SLC25A38: variants seen among roughly 807,000 people sequenced by gnomAD.
SLC25A38 encodes the protein solute carrier family 25 member 38.
Under a neutral mutation model 33.4 loss-of-function variants are expected in SLC25A38, and 27 were observed. The ratio of observed to expected loss-of-function variants is 0.81; its 90% CI spans 0.60 to 1.11. The LOEUF (loss-of-function observed/expected upper bound fraction) is 1.11, where lower values mean the gene tolerates loss of function less well. SLC25A38 is among the 50% of genes most tolerant of loss of function. The pLI, the probability that SLC25A38 is intolerant of heterozygous loss-of-function variation, is 0.00. For synonymous variants in SLC25A38, 123 were observed against 145.9 expected (o/e 0.84, Z 1.13); for missense variants, 344 against 388.8 (o/e 0.88, Z 0.97).
chr3:39,391,808 T>G (rs1315164140), intron 4 of SLC25A38, 45 bp from the exon 5 acceptor site: 1 of 1,612,404 alleles, frequency 6.2e-7, no homozygotes, highest in African/African-American at 1.3e-5. Context: ...AGTGCTGAAA[T>G]GCAGCGCCTC....
chr3:39,390,017 T>G (rs565143839), intron 2 of SLC25A38, among the ~76,000 whole-genome samples: 8 of 152,348 alleles, frequency 5.3e-5, no homozygotes, highest in African/African-American at 1.9e-4. Flanking sequence ...CTCAGCTCAC[T>G]GCAACCTCTG....
intron 1 of SLC25A38, among the ~76,000 whole-genome samples, chr3:39,385,001 C>T (rs948406092): frequency 2.0e-5 from 3 of 151,972 alleles, no homozygotes; most frequent in Non-Finnish European, 4.4e-5. Context: ...AGGGTTTCAC[C>T]ATGTTGGCCA....
intron 1 of SLC25A38, among the ~76,000 whole-genome samples, chr3:39,387,006 G>C (rs2041714646): frequency 6.6e-6 from 1 of 152,138 alleles, no homozygotes; most frequent in South Asian, 2.1e-4. Flanking sequence ...TGGATGAAGA[G>C]CCATGGGAGT....
intron 1 of SLC25A38, among the ~76,000 whole-genome samples, chr3:39,385,328 A>G (rs1291767100): frequency 6.6e-6 from 1 of 152,102 alleles, no homozygotes; most frequent in Non-Finnish European, 1.5e-5. Context: ...TGGCTCAATA[A>G]CTTGAGCCAA....
intron 1 of SLC25A38, chr3:39,384,796 CTTTTTTCTTTTT>C: frequency 2.6e-6 from 1 of 377,734 alleles, no homozygotes; most frequent in South Asian, 1.4e-4. Flanking sequence ...GCTTTCTTTT[CTTTTTTCTTTTT>C]TTTTTTTTTT....
intron 5 of SLC25A38, among the ~76,000 whole-genome samples, chr3:39,393,830 C>T (rs1575246971): frequency 6.6e-6 from 1 of 152,190 alleles, no homozygotes; most frequent in Admixed American, 6.5e-5. Flanking sequence ...CTCTAATTGT[C>T]CCAATAATGT....
intron 1 of SLC25A38, among the ~76,000 whole-genome samples, chr3:39,385,203 TTTG>T (rs968551841): frequency 3.3e-5 from 5 of 152,266 alleles, no homozygotes; most frequent in South Asian, 2.1e-4. Flanking sequence ...TGGGATGGTT[TTTG>T]TTGTTGTTGT....
intron 6 of SLC25A38, among the ~76,000 whole-genome samples, chr3:39,395,124 A>G (rs2041812895): frequency 6.6e-6 from 1 of 152,234 alleles, no homozygotes. Flanking sequence ...CTAAAGAAAA[A>G]ATGTCACCAA....
Position 39,383,526 on chromosome 3 carries a change from C to A in SLC25A38, c.-199C>A. The A allele has an allele frequency of 1.6e-6, 1 of 615,242 alleles. No homozygotes were observed. Among genetic ancestry groups the A allele is most frequent in the East Asian group, 2.8e-5 (1 of 35,698 alleles). The allele number at this position is 615,242 out of a possible 1,614,324, so 38.1% of individuals were successfully genotyped here. A position where few individuals can be genotyped will look rare whatever the true frequency, so the allele number is the denominator to read the frequency against. Reference sequence around the variant, plus strand: ...CGTAATTCCCGCAGCAAGATTGTTCCGCGCCCGCAGCCCCTGGACTAGCAG... The same window carrying A: ...CGTAATTCCCGCAGCAAGATTGTTCAGCGCCCGCAGCCCCTGGACTAGCAG... On this transcript the variant is annotated 5_prime_UTR_variant, in exon 1 of 7. Transcript: ENST00000650617.
In SLC25A38 at chr3:39,391,576, G is replaced by A; in HGVS notation, c.412G>A (p.Gly138Arg). The A allele has an allele frequency of 6.2e-7, 1 of 1,614,216 alleles. No individual in the cohort carries two copies. The highest frequency in any genetic ancestry group is 1.3e-5 in the African/African-American group (1 of 75,064). ...GGGGGTGGGCTCTCGCTCTGTTGCA[G>A]GGGTCTGTATGTCACCTATCACTGT... ...MLGVGSRSVAGVCMSPITVIK... is the reference protein window; with the variant it reads ...MLGVGSRSVARVCMSPITVIK... The change falls in exon 4 of 7, where the codon GGG becomes AGG. Residue 138 changes from glycine (G) to arginine (R), a missense_variant. By Grantham distance (125) the Gly-to-Arg change is moderately radical. Coordinates refer to ENST00000650617, the MANE Select transcript of SLC25A38 (RefSeq NM_017875.4).
Position 39,391,873 on chromosome 3 carries a change from G to C in SLC25A38, c.477G>C (p.Glu159Asp), listed in dbSNP as rs775839743. Reference protein sequence around the residue: ...TRYESGKYGYESIYAALRSIY... With the variant: ...TRYESGKYGYDSIYAALRSIY... ...TGCAGAGTGGGAAATATGGCTATGA[G>C]AGTATCTACGCTGCCCTGAGGAGCA... The change falls in exon 5 of 7, where the codon GAG becomes GAC. Residue 159 changes from glutamate (E) to aspartate (D), a missense_variant. Glu to Asp is a conservative substitution (Grantham distance 45, BLOSUM62 2). This residue lies in a region of SLC25A38 where 269 missense variants were observed against 271.8 expected (regional missense o/e 0.99). Coordinates refer to ENST00000650617, the MANE Select transcript of SLC25A38 (RefSeq NM_017875.4). 3 of 1,613,636 alleles carry C rather than the reference G, an allele frequency of 1.9e-6. No individual in the cohort carries two copies. The highest frequency in any genetic ancestry group is 1.7e-6 in the Non-Finnish European group (2 of 1,180,004).
chr3:39,384,111 G>A (rs971916183), intron 1 of SLC25A38, among the ~76,000 whole-genome samples: 17 of 152,340 alleles, frequency 1.1e-4, no homozygotes, highest in Middle Eastern at 6.8e-3. Context: ...CGAGTAGGCT[G>A]CCAGGTGGAA....
chr3:39,389,000 A>G (rs1255055293), intron 1 of SLC25A38, among the ~76,000 whole-genome samples: 1 of 152,206 alleles, frequency 6.6e-6, no homozygotes, highest in African/African-American at 2.4e-5. Flanking sequence ...AGGAAATACT[A>G]GGTTCTACAG....
At chr3:39,391,814 G>A (rs556256400) in intron 4 of SLC25A38, 39 bp from the exon 5 acceptor site, 59 of 1,612,476 alleles carry the variant, frequency 3.7e-5, no homozygotes, top group South Asian at 5.5e-5. Context: ...GAAATGCAGC[G>A]CCTCCATGCG....
In SLC25A38 at chr3:39,391,439, A is replaced by C. The variant is rs1198314410; in HGVS notation, c.277-2A>C. The C allele has an allele frequency of 1.2e-6, 2 of 1,613,234 alleles. No individual in the cohort carries two copies. Among genetic ancestry groups the C allele is most frequent in the Non-Finnish European group, 1.7e-6 (2 of 1,180,028 alleles). On this transcript the variant is annotated splice_acceptor_variant, in intron 3 of 6. Coordinates refer to ENST00000650617, the MANE Select transcript of SLC25A38 (RefSeq NM_017875.4). LOFTEE classifies it high-confidence loss of function. ...TTCTTTTCTCCCTGACCTTCTCTGC[A>C]GTCCATTGTGAGATGTGTCCCTGGC... is the stretch of plus-strand genomic sequence containing the variant.
At chr3:39,387,634 C>T (rs567192379) in intron 1 of SLC25A38, among the ~76,000 whole-genome samples, 1 of 151,938 alleles carries the variant, frequency 6.6e-6, no homozygotes, top group Non-Finnish European at 1.5e-5. Context: ...TGCCTGTGGG[C>T]CATTTGAGGG....
At position 39,391,998 on chromosome 3, in the gene SLC25A38, A is replaced by G. The variant is rs2041776612; in HGVS notation, c.602A>G (p.Gln201Arg). The G allele has an allele frequency of 6.2e-7, 1 of 1,614,142 alleles. No individual in the cohort carries two copies. The highest frequency in any genetic ancestry group is 1.3e-5 in the African/African-American group (1 of 74,956). Residue 201 changes from glutamine to arginine, a missense_variant, in exon 5 of 7, where the codon CAG becomes CGG. Gln to Arg is a conservative substitution (Grantham distance 43). Coordinates refer to ENST00000650617, the MANE Select transcript of SLC25A38 (RefSeq NM_017875.4). ...FSGIYLMFYN[Q>R]TKNIVPHDQV... ...GGAATCTACCTGATGTTTTACAACC[A>G]GACCAAAAATATAGTGCCTCATGGT...
rs2041674631 is a variant in SLC25A38 at position 39,383,761 on chromosome 3, C to T, written c.37C>T (p.Gln13Ter). ...CTCACGTCCGTCGCTGCTGCAACCCCAAGATGTCGGAGACACGGTGGAAAC... is the reference window on the plus strand; with the variant it reads ...CTCACGTCCGTCGCTGCTGCAACCCTAAGATGTCGGAGACACGGTGGAAAC... ...QNSRPSLLQPQDVGDTVETLM... is the reference protein window; with the variant it reads ...QNSRPSLLQP The change falls in exon 1 of 7, where the codon CAA (glutamine) becomes TAA (stop). Residue 13 changes from glutamine (Q) to a stop codon, truncating the protein, a stop_gained. Transcript: ENST00000650617. LOFTEE classifies it high-confidence loss of function. 2 of 1,614,070 alleles carry T rather than the reference C, an allele frequency of 1.2e-6. No individual in the cohort carries two copies. Among genetic ancestry groups the T allele is most frequent in the Non-Finnish European group, 1.7e-6 (2 of 1,180,014 alleles).
chr3:39,389,335 TC>T lies in SLC25A38; in HGVS notation c.70-159del. The T allele has an allele frequency of 9.1e-7, 1 of 1,099,766 alleles. No homozygotes were observed. The highest frequency in any genetic ancestry group is 1.4e-6 in the Non-Finnish European group (1 of 737,296). 68.1% of individuals were successfully genotyped at this position (1,099,766 alleles called of 1,614,324 possible). A position where few individuals can be genotyped will look rare whatever the true frequency, so the allele number is the denominator to read the frequency against. On this transcript the variant is annotated intron_variant, in intron 1 of 6. Coordinates refer to ENST00000650617, the MANE Select transcript of SLC25A38 (RefSeq NM_017875.4). This position sits in a 1 kb window ranked among gnomAD's most constrained non-coding sequence, Gnocchi z 4.5. ...CAATAACATTGCAGTATTTTTAATT[TC>T]TGGCTATACTTTTTCCTTCTCCGAG...
Sources: gnomAD v4.1 joint callset for allele counts (sites outside exome capture counted in the v4.1 genomes callset) on GRCh38, gnomAD v4.1.1 for gene constraint, gnomAD v4.1.1 regional missense constraint, Gnocchi (gnomAD v3.1) non-coding constraint, MANE v1.5 for transcripts, NCBI Gene and HGNC (gene_info 2026-07-23, HGNC 2026-07-21) for gene names.